The following FXR1 variants were observed in gnomAD, a reference collection of about 807,000 sequenced individuals.
FXR1 encodes the protein RNA-binding protein FXR1.
A neutral mutation model predicts 84.0 loss-of-function variants in FXR1; 15 were observed. That is an observed-to-expected ratio of 0.18 (90% confidence interval 0.12 to 0.27). FXR1 has a LOEUF of 0.27. Among genes scored for constraint, FXR1 ranks in the 10% least tolerant of loss-of-function variants. The pLI, the probability that FXR1 is intolerant of heterozygous loss-of-function variation, is 1.00. For missense variants in FXR1, 480 were observed against 774.4 expected (o/e 0.62, Z 4.51); for synonymous variants, 245 against 250.7 (o/e 0.98, Z 0.21).
At position 180,928,781 on chromosome 3, in the gene FXR1, T is replaced by G. The variant is rs532730828; in HGVS notation, c.52-4553T>G. On this transcript the variant is annotated intron_variant, in intron 1 of 16. Transcript: ENST00000357559. ...GTTAACTTGCTGCTTAAGTGGATCT[T>G]TGACTAGAACCTTTTTTTAAAAAAT... 2.4e-4 allele frequency among the ~76,000 whole-genome samples: 37 copies of G among 152,288 alleles called. 1 individual carries two copies. Among genetic ancestry groups the G allele is most frequent in the Non-Finnish European group, 4.4e-4 (30 of 68,022 alleles).
intron 10 of FXR1, among the ~76,000 whole-genome samples, chr3:180,960,137 CTT>C (rs1360731149): frequency 2.6e-5 from 4 of 152,152 alleles, no homozygotes; most frequent in Admixed American, 6.6e-5. Context: ...TCTTATTTCT[CTT>C]TTCTGCCACT....
Position 180,953,765 on chromosome 3 carries a change from G to A in FXR1, c.805G>A (p.Ala269Thr). 1 of 1,532,864 alleles carries A rather than the reference G, an allele frequency of 6.5e-7. No homozygotes were observed. The highest frequency in any genetic ancestry group is 1.4e-5 in the African/African-American group (1 of 73,506). 95.0% of individuals were successfully genotyped at this position (1,532,864 alleles called of 1,614,324 possible). The change falls in exon 9 of 17, where the codon GCT becomes ACT. Residue 269 changes from alanine to threonine, a missense_variant. Around this residue, in one of 6 missense-constraint regions of FXR1, gnomAD observed 136 missense variants for 315.4 expected, o/e 0.43. Transcript: ENST00000357559. ...TGTFRIYGESADAVKKARGFL... is the reference protein window; with the variant it reads ...TGTFRIYGESTDAVKKARGFL... Reference sequence around the variant, plus strand: ...TTACTTTTCCCCTCATCTACAGAGTGCTGATGCTGTAAAAAAGGCTAGAGG... The same window carrying A: ...TTACTTTTCCCCTCATCTACAGAGTACTGATGCTGTAAAAAAGGCTAGAGG...
intron 1 of FXR1, among the ~76,000 whole-genome samples, chr3:180,920,042 A>G (rs527873472): frequency 2.0e-4 from 31 of 152,212 alleles, no homozygotes; most frequent in African/African-American, 6.0e-4. Flanking sequence ...TTTGCTGTCT[A>G]TTTTGGGAAG....
chr3:180,927,579 T>C (rs980845772), intron 1 of FXR1: 2 of 592,168 alleles, frequency 3.4e-6, no homozygotes, highest in Admixed American at 3.3e-5. Flanking sequence ...GTTTTTCAGC[T>C]ATATTCTGTA....
intron 1 of FXR1, among the ~76,000 whole-genome samples, chr3:180,926,478 G>GTATATATATATATA (rs34325096): frequency 6.6e-5 from 5 of 75,384 alleles, no homozygotes; most frequent in Admixed American, 1.3e-4. Context: ...GGATTGTACT[G>GTATATATATATATA]TATATATATA....
intron 13 of FXR1, among the ~76,000 whole-genome samples, chr3:180,966,081 T>C (rs749557193): frequency 1.3e-5 from 2 of 152,152 alleles, no homozygotes; most frequent in Non-Finnish European, 2.9e-5. Flanking sequence ...TTAAACATTC[T>C]GAAAGGCTTT....
At chr3:180,965,610 C>A (rs1463492869) in intron 13 of FXR1, among the ~76,000 whole-genome samples, 3 of 152,146 alleles carry the variant, frequency 2.0e-5, no homozygotes, top group Non-Finnish European at 2.9e-5. Context: ...TAGAAAATTT[C>A]TCTACTTTTA....
intron 9 of FXR1, among the ~76,000 whole-genome samples, chr3:180,955,201 G>A (rs556440157): frequency 1.3e-5 from 2 of 151,994 alleles, no homozygotes; most frequent in South Asian, 4.2e-4. Context: ...CACCATATTG[G>A]CCAGGCTGGT....
chr3:180,922,645 CTG>C (rs1269685685), intron 1 of FXR1, among the ~76,000 whole-genome samples: 1 of 152,142 alleles, frequency 6.6e-6, no homozygotes, highest in Non-Finnish European at 1.5e-5. Context: ...ATAAATAATA[CTG>C]TGTCACCCAG....
intron 1 of FXR1, chr3:180,927,814 T>C: frequency 2.3e-6 from 1 of 430,292 alleles, no homozygotes; most frequent in Non-Finnish European, 4.1e-6. Context: ...TTCCTGTGAA[T>C]TACTTGTTCA....
intron 15 of FXR1, among the ~76,000 whole-genome samples, chr3:180,973,760 T>G (rs1251794568): frequency 6.6e-6 from 1 of 152,228 alleles, no homozygotes; most frequent in Non-Finnish European, 1.5e-5. Context: ...GTATGTAAGT[T>G]CTGAAATAGG....
intron 2 of FXR1, 139 bp from the exon 3 acceptor site, chr3:180,934,999 G>T: frequency 1.9e-6 from 1 of 520,532 alleles, no homozygotes. Context: ...CTAATTTCTT[G>T]GGAAATTATT....
At chr3:180,936,509 C>G (rs192047112) in intron 3 of FXR1, among the ~76,000 whole-genome samples, 1 of 152,246 alleles carries the variant, frequency 6.6e-6, no homozygotes, top group Admixed American at 6.5e-5. Context: ...CTCAGGTGAT[C>G]CGCCCACCTT....
chr3:180,942,403 A>AAG (rs1268826092), intron 3 of FXR1, among the ~76,000 whole-genome samples: 7 of 151,344 alleles, frequency 4.6e-5, no homozygotes, highest in African/African-American at 1.7e-4. Flanking sequence ...AAAAAAAAAA[A>AAG]AAGGCATAGG....
Position 180,957,890 on chromosome 3 carries a change from A to G in FXR1, c.952A>G (p.Ile318Val). 1 of 1,576,224 alleles carries G rather than the reference A, an allele frequency of 6.3e-7. No individual in the cohort carries two copies. The change falls in exon 10 of 17, where the codon ATT becomes GTT. Residue 318 changes from isoleucine (I) to valine (V), a missense_variant. By Grantham distance (29) the Ile-to-Val change is conservative. Coordinates refer to ENST00000357559, the MANE Select transcript of FXR1 (RefSeq NM_005087.4). ...CAAATCTGGTGTGGTTCGAGTGAGA[A>G]TTGAAGGGGACAATGAAAATAAATT... ...VDKSGVVRVRIEGDNENKLPR... is the reference protein window; with the variant it reads ...VDKSGVVRVRVEGDNENKLPR...
At chr3:180,965,578 G>A (rs915173198) in intron 13 of FXR1, among the ~76,000 whole-genome samples, 3 of 152,120 alleles carry the variant, frequency 2.0e-5, no homozygotes, top group Non-Finnish European at 4.4e-5. Flanking sequence ...AAAGTCTAGC[G>A]GGGATTCCCC....
At chr3:180,947,134 C>G (rs1172943051) in intron 3 of FXR1, among the ~76,000 whole-genome samples, 2 of 152,014 alleles carry the variant, frequency 1.3e-5, no homozygotes, top group Non-Finnish European at 2.9e-5. Context: ...CTCACTGCAT[C>G]CTCCACCCTC....
intron 1 of FXR1, among the ~76,000 whole-genome samples, chr3:180,925,137 T>C (rs1026728669): frequency 2.0e-5 from 3 of 151,962 alleles, no homozygotes; most frequent in East Asian, 3.9e-4. Context: ...CTGAGGTGGG[T>C]GGATCACGAG....
At chr3:180,961,847 C>T (rs1160724034) in intron 11 of FXR1, among the ~76,000 whole-genome samples, 2 of 152,248 alleles carry the variant, frequency 1.3e-5, no homozygotes, top group South Asian at 4.1e-4. Flanking sequence ...TGTCTTCATG[C>T]AATTTGACTC....
Sources: allele counts gnomAD v4.1 joint callset (sites outside exome capture counted in the v4.1 genomes callset), GRCh38; gene constraint gnomAD v4.1.1; regional missense constraint gnomAD v4.1.1; transcripts MANE v1.5; gene names NCBI Gene and HGNC (gene_info 2026-07-23, HGNC 2026-07-21).